The following FAM220A variants were observed in gnomAD, a reference collection of about 807,000 sequenced individuals.
The protein encoded by FAM220A is family with sequence similarity 220 member A, also known as protein FAM220A.
For synonymous variants in FAM220A, 141 were observed against 130.7 expected, an observed-to-expected ratio of 1.08 and a Z score of -0.54; for missense variants, 392 against 321.6, an observed-to-expected ratio of 1.22 and a Z score of -1.68.
rs140253432 is a variant in FAM220A at position 6,330,918 on chromosome 7, G to A, written c.237C>T (p.Gly79=). ...CTCTCACATATGGAAGCACTGGGCC[G>A]CCACTGTGAAGCCAGAGGCCAGCCC... ...PSGAGLWLHS[G]GPVLPYVRES... Residue 79 remains glycine (G), a synonymous_variant, in exon 2 of 2, where the codon GGC becomes GGT. Transcript: ENST00000313324. 1.7e-5 allele frequency: 28 copies of A among 1,614,218 alleles called. 1 individual carries two copies. The highest frequency in any genetic ancestry group is 3.3e-4 in the Middle Eastern group (2 of 6,062).
rs1055571120 is a variant in FAM220A at position 6,330,766 on chromosome 7, C to G, written c.389G>C (p.Trp130Ser). Residue 130 changes from tryptophan (W) to serine (S), a missense_variant, in exon 2 of 2, where the codon TGG (tryptophan) becomes TCG (serine). Coordinates refer to ENST00000313324, the MANE Select transcript of FAM220A (RefSeq NM_001037163.2). ...SGVEALGRRD[W>S]LGGGPRATDG... ...AGTGGCCCTGGGCCCTCCTCCCAGCCAGTCTCGCCGCCCCAGAGCTTCAAC... is the reference window on the plus strand; with the variant it reads ...AGTGGCCCTGGGCCCTCCTCCCAGCGAGTCTCGCCGCCCCAGAGCTTCAAC... 2 of 1,614,046 alleles carry G rather than the reference C, an allele frequency of 1.2e-6. No individual in the cohort carries two copies. The highest frequency in any genetic ancestry group is 8.5e-7 in the Non-Finnish European group (1 of 1,180,036).
chr7:6,334,943 T>G (rs984084536), intron 1 of FAM220A, among the ~76,000 whole-genome samples: 25 of 150,712 alleles, frequency 1.7e-4, no homozygotes, highest in Non-Finnish European at 1.6e-4. Flanking sequence ...CAATTTTGTA[T>G]TTTTAATAGA....
chr7:6,341,134 A>G (rs1781848786), intron 1 of FAM220A, among the ~76,000 whole-genome samples: 1 of 138,494 alleles, frequency 7.2e-6, no homozygotes, highest in African/African-American at 2.8e-5. Context: ...ACACAGCAAG[A>G]CTCTGTCCCA....
Position 6,348,829 on chromosome 7 carries a change from C to T in FAM220A, c.-338G>A. On this transcript the variant is annotated 5_prime_UTR_variant, in exon 1 of 2. Coordinates refer to ENST00000313324, the MANE Select transcript of FAM220A (RefSeq NM_001037163.2). ...CCGCGTCGCCCCGGCAGCTGACCCT[C>T]GCCTGGCGTGCTCAGGGAGCGAAGG... 2.5e-6 allele frequency: 1 copy of T among 394,612 alleles called. No individual in the cohort carries two copies. Among genetic ancestry groups the T allele is most frequent in the East Asian group, 3.6e-5 (1 of 27,798 alleles). 24.4% of individuals were successfully genotyped at this position (394,612 alleles called of 1,614,324 possible).
intron 1 of FAM220A, among the ~76,000 whole-genome samples, chr7:6,332,861 A>G (rs1004463723): frequency 5.9e-5 from 9 of 152,302 alleles, no homozygotes; most frequent in Middle Eastern, 3.4e-3. Context: ...AACCGCATTA[A>G]GATTTGTTAT....
chr7:6,337,920 C>T (rs1781777392), intron 1 of FAM220A, among the ~76,000 whole-genome samples: 2 of 151,656 alleles, frequency 1.3e-5, no homozygotes, highest in Admixed American at 1.3e-4. Flanking sequence ...TCTCCTGCCT[C>T]ACCCTCCCAA....
At chr7:6,331,297 C>G (rs1471978669) in intron 1 of FAM220A, 62 bp from the exon 2 acceptor site, 1 of 738,972 alleles carries the variant, frequency 1.4e-6, no homozygotes, top group African/African-American at 1.8e-5. Flanking sequence ...AGAGCATCTA[C>G]ACCCACCAAA....
intron 1 of FAM220A, chr7:6,338,567 G>C: frequency 6.6e-6 from 1 of 152,386 alleles, no homozygotes; most frequent in Non-Finnish European, 1.5e-5. Context: ...TGAACACAAA[G>C]CCAGGGAGGT....
intron 1 of FAM220A, among the ~76,000 whole-genome samples, chr7:6,339,645 G>A (rs13229222): frequency 0.26 from 39,627 of 151,208 alleles, 5,252 homozygotes; most frequent in East Asian, 0.3. Context: ...CACCACGCCT[G>A]GGTAATGTTT....
intron 1 of FAM220A, among the ~76,000 whole-genome samples, chr7:6,337,417 C>T (rs904468608): frequency 2.6e-5 from 4 of 151,454 alleles, no homozygotes; most frequent in Admixed American, 2.6e-4. Flanking sequence ...CCACTGCGCC[C>T]GCCCAGTATT....
intron 1 of FAM220A, among the ~76,000 whole-genome samples, chr7:6,347,435 G>C (rs1312543706): frequency 6.6e-6 from 1 of 151,990 alleles, no homozygotes; most frequent in African/African-American, 2.4e-5. Context: ...AGAATCGCTT[G>C]AACTCGGGAG....
chr7:6,340,138 G>A (rs761823489), intron 1 of FAM220A, among the ~76,000 whole-genome samples: 11 of 152,082 alleles, frequency 7.2e-5, no homozygotes, highest in African/African-American at 2.4e-4. Context: ...GCCCGCCTCG[G>A]CCTCCCAAAG....
intron 1 of FAM220A, among the ~76,000 whole-genome samples, chr7:6,342,477 T>C (rs1781880721): frequency 6.6e-6 from 1 of 151,084 alleles, no homozygotes; most frequent in African/African-American, 2.4e-5. Context: ...AGTCAGAAGT[T>C]GCAGTGAGCC....
chr7:6,338,175 A>G (rs895219932), intron 1 of FAM220A, among the ~76,000 whole-genome samples: 2 of 152,132 alleles, frequency 1.3e-5, no homozygotes, highest in African/African-American at 2.4e-5. Context: ...CTGGTATTAG[A>G]CTGTTATACA....
rs199549824 is a variant in FAM220A, at chr7:6,337,584, A to AT, written c.-81-6350dup. ...GTTAAAGTACTTTAAATACAGTACC[A>AT]TTATTTTTTTTCATTTCCTTAGCAA... On this transcript the variant is annotated intron_variant, in intron 1 of 1. Coordinates refer to ENST00000313324, the MANE Select transcript of FAM220A (RefSeq NM_001037163.2). Among the ~76,000 whole-genome samples, 10 of 150,702 alleles carry AT rather than the reference A, an allele frequency of 6.6e-5. No homozygotes were observed. The East Asian group carries it at 1.8e-3, about 28-fold the overall frequency.
chr7:6,333,559 C>T (rs758366816), intron 1 of FAM220A, among the ~76,000 whole-genome samples: 15 of 152,042 alleles, frequency 9.9e-5, no homozygotes, highest in African/African-American at 2.9e-4. Flanking sequence ...AGGACAATGG[C>T]GTGATCACAG....
Position 6,337,037 on chromosome 7 carries a change from T to C in FAM220A, c.-81-5802A>G, listed in dbSNP as rs1781761913. Among the ~76,000 whole-genome samples, 4 of 152,114 alleles carry C rather than the reference T, an allele frequency of 2.6e-5. No individual in the cohort carries two copies. In the South Asian group the frequency reaches 8.3e-4, roughly 31 times the overall value. ...ATCCTTAAACGGAAGGATTCCTAAA[T>C]ATATTTCAATATATGTTGAAATAGG... On this transcript the variant is annotated intron_variant, in intron 1 of 1. Coordinates refer to ENST00000313324, the MANE Select transcript of FAM220A (RefSeq NM_001037163.2).
At chr7:6,348,416 T>G (rs1196418432) in intron 1 of FAM220A, among the ~76,000 whole-genome samples, 157 bp downstream of exon 1, 3 of 152,060 alleles carry the variant, frequency 2.0e-5, no homozygotes, top group African/African-American at 7.2e-5. Context: ...AAGGACCACC[T>G]CAGTGGATCT....
intron 1 of FAM220A, among the ~76,000 whole-genome samples, chr7:6,343,325 C>G (rs565893486): frequency 2.1e-5 from 3 of 146,068 alleles, no homozygotes; most frequent in Admixed American, 7.0e-5. Flanking sequence ...TGCAGTGATC[C>G]AAAATCACAC....
Sources: gnomAD v4.1 joint callset for allele counts (sites outside exome capture counted in the v4.1 genomes callset) on GRCh38, gnomAD v4.1.1 for gene constraint, MANE v1.5 for transcripts, NCBI Gene and HGNC (gene_info 2026-07-23, HGNC 2026-07-21) for gene names.